The following PDE7B variants were observed in gnomAD, a reference collection of about 807,000 sequenced individuals.
The protein encoded by PDE7B is 3',5'-cyclic-AMP phosphodiesterase 7B.
Under a neutral mutation model 56.2 loss-of-function variants are expected in PDE7B, and 29 were observed. The ratio of observed to expected loss-of-function variants is 0.52; its 90% CI spans 0.38 to 0.70. The LOEUF (loss-of-function observed/expected upper bound fraction) is 0.70. PDE7B is among the 30% of genes least tolerant of loss of function. The probability of loss-of-function intolerance (pLI) is 0.00; values close to 1 mark genes in which losing one functional copy is unlikely to be tolerated. For synonymous variants in PDE7B, 197 were observed against 196.9 expected, an observed-to-expected ratio of 1.00 and a Z score of 0.00; for missense variants, 490 against 565.0, an observed-to-expected ratio of 0.87 and a Z score of 1.35.
chr6:136,020,143 T>C (rs148738955), intron 2 of PDE7B, among the ~76,000 whole-genome samples: 19 of 152,324 alleles, frequency 1.2e-4, no homozygotes, highest in African/African-American at 3.8e-4. Context: ...TATTGTGCCA[T>C]AACCAGGTAC....
intron 3 of PDE7B, among the ~76,000 whole-genome samples, chr6:136,122,664 G>T (rs1378510835): frequency 6.6e-6 from 1 of 152,164 alleles, no homozygotes; most frequent in African/African-American, 2.4e-5. Context: ...GGTATCTATT[G>T]AAAGTGTTCT....
chr6:135,955,624 A>G (rs538897436), intron 2 of PDE7B, among the ~76,000 whole-genome samples: 1 of 152,160 alleles, frequency 6.6e-6, no homozygotes, highest in Non-Finnish European at 1.5e-5. Flanking sequence ...GGAGATACAC[A>G]CTTTAGACAG....
At chr6:136,145,480 C>T (rs1414652672) in intron 3 of PDE7B, among the ~76,000 whole-genome samples, 2 of 152,096 alleles carry the variant, frequency 1.3e-5, no homozygotes, top group African/African-American at 2.4e-5. Flanking sequence ...AGCAAAAAGT[C>T]ATATTTAAAA....
At chr6:136,177,794 C>T (rs760932828) in intron 9 of PDE7B, among the ~76,000 whole-genome samples, 8 of 152,212 alleles carry the variant, frequency 5.3e-5, no homozygotes, top group African/African-American at 9.6e-5. Context: ...GACTTCTGCA[C>T]ATGCGTAACT....
intron 8 of PDE7B, among the ~76,000 whole-genome samples, chr6:136,160,934 C>A (rs925749584): frequency 6.6e-6 from 1 of 152,000 alleles, no homozygotes; most frequent in Admixed American, 6.6e-5. Flanking sequence ...CTAAGGGAAA[C>A]AGAAAATAAG....
intron 1 of PDE7B, among the ~76,000 whole-genome samples, chr6:135,853,196 T>C (rs150903331): frequency 1.6e-3 from 251 of 152,336 alleles, no homozygotes; most frequent in African/African-American, 5.9e-3. Context: ...AAGTTTCTAT[T>C]CTCAACATTG....
chr6:136,089,302 G>C (rs1425268544), intron 2 of PDE7B, among the ~76,000 whole-genome samples: 1 of 152,152 alleles, frequency 6.6e-6, no homozygotes, highest in East Asian at 1.9e-4. Flanking sequence ...TTGGCACCAG[G>C]TAGGTCATTC....
intron 2 of PDE7B, among the ~76,000 whole-genome samples, chr6:136,054,482 G>A (rs776631250): frequency 6.6e-6 from 1 of 152,180 alleles, no homozygotes; most frequent in Middle Eastern, 3.2e-3. Context: ...TTGAAGTCAG[G>A]TAGCATGATG....
intron 2 of PDE7B, among the ~76,000 whole-genome samples, chr6:136,022,454 G>C (rs1261119991): frequency 3.9e-5 from 6 of 152,124 alleles, no homozygotes; most frequent in African/African-American, 1.4e-4. Flanking sequence ...CTTGTGCTCA[G>C]AATTCGCCTG....
chr6:135,886,002 C>G lies in PDE7B; in HGVS notation c.21+33983C>G, dbSNP rs376044828. On this transcript the variant is annotated intron_variant, in intron 1 of 12. Transcript: ENST00000308191. ...AGATTTCTGTCAGCTTTGAGCAAAACGTACAACTTGACTCAATTTAGTTTG... is the reference window on the plus strand; with the variant it reads ...AGATTTCTGTCAGCTTTGAGCAAAAGGTACAACTTGACTCAATTTAGTTTG... Among the ~76,000 whole-genome samples the G allele has an allele frequency of 7.2e-5, 11 of 152,244 alleles. No individual in the cohort carries two copies. The East Asian group carries it at 7.7e-4, about 11-fold the overall frequency.
chr6:135,863,621 T>C (rs1479168354), intron 1 of PDE7B, among the ~76,000 whole-genome samples: 1 of 151,830 alleles, frequency 6.6e-6, no homozygotes, highest in African/African-American at 2.4e-5. Context: ...GAGAATTCCT[T>C]ATAAACAATT....
intron 2 of PDE7B, among the ~76,000 whole-genome samples, chr6:135,997,949 A>G (rs1180930676): frequency 6.6e-6 from 1 of 152,148 alleles, no homozygotes. Context: ...TACAAAACAA[A>G]CAAACATACA....
At chr6:135,948,009 T>C (rs1774622151) in intron 2 of PDE7B, among the ~76,000 whole-genome samples, 1 of 152,050 alleles carries the variant, frequency 6.6e-6, no homozygotes, top group Admixed American at 6.6e-5. Flanking sequence ...ATAACAACAT[T>C]GTAATGAATA....
Position 136,173,793 on chromosome 6 carries a change from C to T in PDE7B, c.712-4C>T. 6.3e-7 allele frequency: 1 copy of T among 1,588,650 alleles called. No individual in the cohort carries two copies. Among genetic ancestry groups the T allele is most frequent in the Non-Finnish European group, 8.6e-7 (1 of 1,157,576 alleles). On this transcript the variant is annotated splice_region_variant and splice_polypyrimidine_tract_variant and intron_variant, in intron 8 of 12. Coordinates refer to ENST00000308191, the MANE Select transcript of PDE7B (RefSeq NM_018945.4). ...TTTATAACTCTTATTTTCTTTCTTTCTAGAATATGTCTGTGCTGGAGAATC... is the reference window on the plus strand; with the variant it reads ...TTTATAACTCTTATTTTCTTTCTTTTTAGAATATGTCTGTGCTGGAGAATC...
intron 2 of PDE7B, chr6:136,038,212 A>G (rs1009198911): frequency 7.7e-7 from 1 of 1,299,394 alleles, no homozygotes; most frequent in East Asian, 5.3e-5. Flanking sequence ...GCAGAAGCAG[A>G]AACAGCAGCA....
Position 136,192,160 on chromosome 6 carries a change from G to A in PDE7B, c.*320G>A. The A allele has an allele frequency of 2.7e-6, 1 of 366,206 alleles. No homozygotes were observed. Among genetic ancestry groups the A allele is most frequent in the Non-Finnish European group, 5.1e-6 (1 of 195,320 alleles). 22.7% of individuals were successfully genotyped at this position (366,206 alleles called of 1,614,324 possible). On this transcript the variant is annotated 3_prime_UTR_variant, in exon 13 of 13. Coordinates refer to ENST00000308191, the MANE Select transcript of PDE7B (RefSeq NM_018945.4). The stretch of plus-strand genomic sequence containing the variant: ...GCTCCTGCCGTGTCCGCCTTGTTCC[G>A]GGTCGCACTGGAACAGGCAGCAATT...
At chr6:136,183,008 G>T (rs1229073764) in intron 11 of PDE7B, among the ~76,000 whole-genome samples, 3 of 146,412 alleles carry the variant, frequency 2.0e-5, no homozygotes, top group Non-Finnish European at 3.0e-5. Flanking sequence ...GGAGGCGGAG[G>T]TTGCAGTGAG....
intron 8 of PDE7B, among the ~76,000 whole-genome samples, chr6:136,160,473 A>G (rs1248387711): frequency 2.0e-5 from 3 of 152,104 alleles, no homozygotes; most frequent in African/African-American, 7.2e-5. Context: ...ATCTCTGGCA[A>G]GTCACTAAGA....
At chr6:135,982,764 A>AT (rs1056254849) in intron 2 of PDE7B, among the ~76,000 whole-genome samples, 32 of 151,926 alleles carry the variant, frequency 2.1e-4, no homozygotes, top group Middle Eastern at 3.4e-3. Context: ...TCATGAAGCC[A>AT]TTTTTTTTCT....
Sources: gnomAD v4.1 joint callset for allele counts (sites outside exome capture counted in the v4.1 genomes callset) on GRCh38, gnomAD v4.1.1 for gene constraint, MANE v1.5 for transcripts, NCBI Gene and HGNC (gene_info 2026-07-23, HGNC 2026-07-21) for gene names.